BRCA1: variants seen among roughly 807,000 people sequenced by gnomAD.
The protein encoded by BRCA1 is BRCA1 DNA repair associated.
Under a neutral mutation model 173.7 loss-of-function variants are expected in BRCA1, and 140 were observed. That is an observed-to-expected ratio of 0.81 (90% CI 0.70 to 0.93). BRCA1 has a LOEUF of 0.93. Ranked by LOEUF, BRCA1 falls within the 40% of genes least tolerant of loss-of-function variation. The pLI is 0.00. For missense variants in BRCA1, 1,983 were observed against 2,172.5 expected, an observed-to-expected ratio of 0.91 and a Z score of 1.73; for synonymous variants, 662 against 756.0, an observed-to-expected ratio of 0.88 and a Z score of 2.04.
In BRCA1 at chr17:43,092,418, T is replaced by G. The variant is rs16941; in HGVS notation, c.3113A>C (p.Glu1038Ala). ...RNNIRENVFK[E>A]ASSSNINEVG... ...TTCATTAATATTGCTTGAGCTGGCTTCTTTAAAAACATTTTCTCTAATGTT... is the reference window on the plus strand; with the variant it reads ...TTCATTAATATTGCTTGAGCTGGCTGCTTTAAAAACATTTTCTCTAATGTT... The change falls in exon 10 of 23, where the codon GAA becomes GCA. Residue 1038 changes from glutamate to alanine, a missense_variant. By Grantham distance (107) the Glu-to-Ala change is moderately radical (BLOSUM62 -1). Transcript: ENST00000357654. The G allele has an allele frequency of 1.2e-6, 2 of 1,613,570 alleles. No individual in the cohort carries two copies. The highest frequency in any genetic ancestry group is 4.5e-5 in the East Asian group (2 of 44,862).
chr17:43,045,982 G>T (rs2050900929), intron 22 of BRCA1, among the ~76,000 whole-genome samples, 180 bp from the exon 23 acceptor site: 1 of 151,244 alleles, frequency 6.6e-6, no homozygotes, highest in South Asian at 2.1e-4. Context: ...GAGTGTGATG[G>T]CGCAATCTCG....
At chr17:43,111,278 G>A (rs1457331845) in intron 3 of BRCA1, among the ~76,000 whole-genome samples, 1 of 152,060 alleles carries the variant, frequency 6.6e-6, no homozygotes, top group African/African-American at 2.4e-5. Flanking sequence ...CTGGCACTGT[G>A]GGAGGCCAAG....
At chr17:43,065,122 G>A (rs1049280996) in intron 16 of BRCA1, among the ~76,000 whole-genome samples, 4 of 151,762 alleles carry the variant, frequency 2.6e-5, no homozygotes, top group African/African-American at 9.7e-5. Context: ...GAGCCACCAC[G>A]CTTGGCATCT....
At chr17:43,156,832 A>C (rs566874321) in intron 1 of BRCA1, among the ~76,000 whole-genome samples, 2 of 152,242 alleles carry the variant, frequency 1.3e-5, no homozygotes, top group African/African-American at 2.4e-5. Flanking sequence ...TGAAAACTCC[A>C]ATATGTAAAA....
chr17:43,064,336 T>A (rs2051958630), intron 16 of BRCA1, among the ~76,000 whole-genome samples: 1 of 152,186 alleles, frequency 6.6e-6, no homozygotes, highest in African/African-American at 2.4e-5. Context: ...TGGCAATATG[T>A]GAAAGAAGAA....
intron 2 of BRCA1, among the ~76,000 whole-genome samples, chr17:43,122,981 C>T (rs182250051): frequency 5.9e-5 from 9 of 151,640 alleles, no homozygotes; most frequent in East Asian, 1.9e-4. Flanking sequence ...GGCATGAACC[C>T]GGGAGGCAGA....
At chr17:43,081,849 G>C (rs2053014787) in intron 12 of BRCA1, among the ~76,000 whole-genome samples, 1 of 152,068 alleles carries the variant, frequency 6.6e-6, no homozygotes, top group South Asian at 2.1e-4. Flanking sequence ...CTGTAACATT[G>C]CTATAAAGCA....
intron 19 of BRCA1, among the ~76,000 whole-genome samples, chr17:43,052,572 C>A (rs1251545190): frequency 1.3e-5 from 2 of 152,086 alleles, no homozygotes; most frequent in East Asian, 1.9e-4. Flanking sequence ...TAAAAATAAA[C>A]CCTAAAATTG....
At position 43,104,175 on chromosome 17, in the gene BRCA1, A is replaced by T. The variant is rs1204011551; in HGVS notation, c.388T>A (p.Tyr130Asn). 6.2e-7 allele frequency: 1 copy of T among 1,613,994 alleles called. No homozygotes were observed. Among genetic ancestry groups the T allele is most frequent in the Non-Finnish European group, 8.5e-7 (1 of 1,180,008 alleles). Residue 130 changes from tyrosine to asparagine, a missense_variant, in exon 6 of 23, where the codon TAC becomes AAC. Physicochemically the swap from Tyr to Asn is moderately radical, Grantham distance 143. Transcript: ENST00000357654. ...AGAAGTCTTTTGGCACGGTTTCTGT[A>T]GCCCATACTTTGGATGATAGAAACT... ...DEVSIIQSMG[Y>N]RNRAKRLLQS...
rs10445319 is a variant in BRCA1 at position 43,100,679 on chromosome 17, A to G, written c.442-799T>C. 1.2e-3 allele frequency among the ~76,000 whole-genome samples: 10 copies of G among 8,436 alleles called. 2 individuals carry two copies. Among genetic ancestry groups the G allele is most frequent in the African/African-American group, 2.8e-3 (4 of 1,448 alleles). The allele number at this position is 8,436 out of a possible 152,430, so 5.5% of individuals were successfully genotyped here. A position where few individuals can be genotyped will look rare whatever the true frequency, so the allele number is the denominator to read the frequency against. ...TAACATATATATATATATATATATA[A>G]TATATATATATATATATATATATGT... On this transcript the variant is annotated intron_variant, in intron 6 of 22. Coordinates refer to ENST00000357654, the MANE Select transcript of BRCA1 (RefSeq NM_007294.4).
At position 43,092,256 on chromosome 17, in the gene BRCA1, T is replaced by C. The variant is rs751368643; in HGVS notation, c.3275A>G (p.Glu1092Gly). 6.2e-7 allele frequency: 1 copy of C among 1,613,774 alleles called. No homozygotes were observed. Among genetic ancestry groups the C allele is most frequent in the South Asian group, 1.1e-5 (1 of 91,068 alleles). Residue 1092 changes from glutamate to glycine, a missense_variant, in exon 10 of 23, where the codon GAG becomes GGG. Coordinates refer to ENST00000357654, the MANE Select transcript of BRCA1 (RefSeq NM_007294.4). ...TCCAGGAAGACTTTGTTTATAGACCTCAGGTTGCAAAACCCCTAATCTAAG... is the reference window on the plus strand; with the variant it reads ...TCCAGGAAGACTTTGTTTATAGACCCCAGGTTGCAAAACCCCTAATCTAAG... ...AMLRLGVLQP[E>G]VYKQSLPGSN...
At chr17:43,079,591 C>A in intron 12 of BRCA1, 1 of 855,832 alleles carries the variant, frequency 1.2e-6, no homozygotes, top group South Asian at 1.3e-5. Context: ...ACATTAAACA[C>A]TCTAAGAGCC....
chr17:43,109,973 C>T (rs987740295), intron 3 of BRCA1, among the ~76,000 whole-genome samples: 2 of 151,782 alleles, frequency 1.3e-5, no homozygotes, highest in Admixed American at 6.6e-5. Context: ...CTGCTCACTG[C>T]AAGCTCTGCC....
chr17:43,103,102 T>C (rs1446401139), intron 6 of BRCA1, among the ~76,000 whole-genome samples: 1 of 152,178 alleles, frequency 6.6e-6, no homozygotes, highest in African/African-American at 2.4e-5. Context: ...AAAATATCAG[T>C]GACCTTATGG....
intron 3 of BRCA1, among the ~76,000 whole-genome samples, chr17:43,111,346 C>A (rs2055025604): frequency 6.6e-6 from 1 of 151,582 alleles, no homozygotes; most frequent in African/African-American, 2.4e-5. Flanking sequence ...ATAGTGAAAC[C>A]CCGTCTCTAC....
chr17:43,082,623 C>CTTTCCATTAAATGAAAATTAAATGAAA (rs1567783737), intron 11 of BRCA1, 48 bp from the exon 12 acceptor site: 1 of 1,588,748 alleles, frequency 6.3e-7, no homozygotes, highest in East Asian at 2.2e-5. Flanking sequence ...CTTTGAGAAG[C>CTTTCCATTAAATGAAAATTAAATGAAA]TTTCCATTAA....
At chr17:43,087,362 T>TA (rs2053266887) in intron 11 of BRCA1, among the ~76,000 whole-genome samples, 1 of 152,124 alleles carries the variant, frequency 6.6e-6, no homozygotes, top group Non-Finnish European at 1.5e-5. Context: ...TGAAGTCACT[T>TA]AAGAATTTTA....
chr17:43,076,379 G>A (rs921694983), intron 13 of BRCA1, 109 bp downstream of exon 13: 1 of 1,330,470 alleles, frequency 7.5e-7, no homozygotes, highest in Non-Finnish European at 1.1e-6. Context: ...GTGTATAAAT[G>A]CCTGTATGCA....
At chr17:43,128,535 TG>T (rs1477009637), upstream of BRCA1, among the ~76,000 whole-genome samples, 3 of 152,148 alleles carry the variant, frequency 2.0e-5, no homozygotes, top group Non-Finnish European at 2.9e-5. Flanking sequence ...CGGCTTCTAC[TG>T]ATGGAAGGCC....
Sources: allele counts gnomAD v4.1 joint callset (sites outside exome capture counted in the v4.1 genomes callset), GRCh38; gene constraint gnomAD v4.1.1; transcripts MANE v1.5; gene names NCBI Gene and HGNC (gene_info 2026-07-23, HGNC 2026-07-21).